The following ETV6 variants were observed in gnomAD, a reference collection of about 807,000 sequenced individuals.
The protein encoded by ETV6 is transcription factor ETV6.
A neutral mutation model predicts 51.1 loss-of-function variants in ETV6; 16 were observed. That is an observed-to-expected ratio of 0.31 (90% CI 0.21 to 0.48). The LOEUF is 0.48. ETV6 is among the 20% of genes least tolerant of loss of function. The pLI is 0.99. For synonymous variants in ETV6, 240 were observed against 224.1 expected (o/e 1.07, Z -0.64); for missense variants, 458 against 594.8 (o/e 0.77, Z 2.39).
chr12:11,883,252 G>C (rs575696289), intron 5 of ETV6, among the ~76,000 whole-genome samples: 1 of 141,910 alleles, frequency 7.0e-6, no homozygotes, highest in African/African-American at 2.7e-5. Context: ...TAGAACAAGG[G>C]GAAGGTGTAC....
In ETV6 at chr12:11,680,138, G is replaced by T. The variant is rs1864498854; in HGVS notation, c.33+29978G>T. Among the ~76,000 whole-genome samples the T allele has an allele frequency of 2.0e-5, 3 of 152,180 alleles. No individual in the cohort carries two copies. The South Asian group carries it at 6.2e-4, about 32-fold the overall frequency. ...GCAGGTAGGGGTTGCAATCTTTCAT[G>T]CTCTGTACTTTGCAAGAGTAATTTG... On this transcript the variant is annotated intron_variant, in intron 1 of 7. Transcript: ENST00000396373.
At chr12:11,757,901 C>T (rs1945030438) in intron 2 of ETV6, among the ~76,000 whole-genome samples, 1 of 152,140 alleles carries the variant, frequency 6.6e-6, no homozygotes, top group Non-Finnish European at 1.5e-5. Flanking sequence ...ATGGTTTATT[C>T]TGGTTTTGTT....
chr12:11,739,313 A>G (rs1865765658), intron 1 of ETV6, among the ~76,000 whole-genome samples: 1 of 152,082 alleles, frequency 6.6e-6, no homozygotes, highest in South Asian at 2.1e-4. Flanking sequence ...AGAGTTTATG[A>G]TGTTTCTGAA....
intron 2 of ETV6, among the ~76,000 whole-genome samples, chr12:11,781,583 A>G (rs1048217352): frequency 6.6e-6 from 1 of 152,230 alleles, no homozygotes; most frequent in African/African-American, 2.4e-5. Flanking sequence ...TGCTGAATGG[A>G]TAGGCAGTTA....
intron 2 of ETV6, among the ~76,000 whole-genome samples, chr12:11,809,087 G>A (rs1040204074): frequency 2.0e-5 from 3 of 151,692 alleles, no homozygotes; most frequent in African/African-American, 4.8e-5. Context: ...AATGACCTGC[G>A]CTCAGGAGGT....
At chr12:11,836,974 C>T (rs971193901) in intron 2 of ETV6, among the ~76,000 whole-genome samples, 2 of 152,198 alleles carry the variant, frequency 1.3e-5, no homozygotes, top group East Asian at 1.9e-4. Flanking sequence ...AATAACAAAT[C>T]GCAGCGCCAT....
intron 2 of ETV6, among the ~76,000 whole-genome samples, chr12:11,793,605 C>T (rs577974010): frequency 6.6e-6 from 1 of 152,332 alleles, no homozygotes; most frequent in African/African-American, 2.4e-5. Context: ...CTACCACTAT[C>T]AGCTAGGATT....
At chr12:11,699,190 T>C (rs1864931889) in intron 1 of ETV6, among the ~76,000 whole-genome samples, 1 of 152,222 alleles carries the variant, frequency 6.6e-6, no homozygotes, top group African/African-American at 2.4e-5. Flanking sequence ...AGCCAGGCTT[T>C]CTCATTTTTC....
At chr12:11,734,321 T>A (rs12303444) in intron 1 of ETV6, among the ~76,000 whole-genome samples, 2 of 151,964 alleles carry the variant, frequency 1.3e-5, no homozygotes. Context: ...AATGACCACA[T>A]CTGAACTGGG....
chr12:11,890,874 A>G (rs1037399991), intron 7 of ETV6, 67 bp from the exon 8 acceptor site: 14 of 1,170,830 alleles, frequency 1.2e-5, no homozygotes, highest in Non-Finnish European at 1.7e-5. Context: ...TATACAGGCT[A>G]GAGTTCAGAG....
chr12:11,687,178 GC>G (rs1371065961), intron 1 of ETV6, among the ~76,000 whole-genome samples: 1 of 135,516 alleles, frequency 7.4e-6, no homozygotes, highest in Non-Finnish European at 1.6e-5. Context: ...ATGAGCCACT[GC>G]CCCCCACCCC....
chr12:11,839,661 C>T (rs1286818234), intron 3 of ETV6, among the ~76,000 whole-genome samples: 1 of 152,190 alleles, frequency 6.6e-6, no homozygotes, highest in Non-Finnish European at 1.5e-5. Flanking sequence ...GGGTGAATTG[C>T]TTGAGCCCAG....
At chr12:11,657,315 C>CT (rs1864017486) in intron 1 of ETV6, among the ~76,000 whole-genome samples, 1 of 152,156 alleles carries the variant, frequency 6.6e-6, no homozygotes, top group African/African-American at 2.4e-5. Context: ...CCATGTTCCT[C>CT]TAACACCATA....
At chr12:11,812,428 G>A (rs1945926868) in intron 2 of ETV6, among the ~76,000 whole-genome samples, 1 of 152,162 alleles carries the variant, frequency 6.6e-6, no homozygotes, top group South Asian at 2.1e-4. Context: ...AGCAACCAAT[G>A]CAGTAAAACC....
chr12:11,805,309 G>T (rs1459509724), intron 2 of ETV6, among the ~76,000 whole-genome samples: 1 of 152,170 alleles, frequency 6.6e-6, no homozygotes, highest in East Asian at 1.9e-4. Flanking sequence ...GTCTGTTCCA[G>T]CTTCCAAAAT....
At chr12:11,886,097 GGAGACTGT>G in intron 7 of ETV6, 71 bp downstream of exon 7, 1 of 1,126,564 alleles carries the variant, frequency 8.9e-7, no homozygotes, top group East Asian at 2.4e-5. Context: ...GGGAGTGGGG[GGAGACTGT>G]TAAGATCTCT....
chr12:11,719,669 T>C (rs761404439), intron 1 of ETV6, among the ~76,000 whole-genome samples: 1 of 152,136 alleles, frequency 6.6e-6, no homozygotes, highest in East Asian at 1.9e-4. Context: ...TGGCGTCTTT[T>C]GGGGGTGCTA....
chr12:11,887,880 C>T (rs537496955), intron 7 of ETV6, among the ~76,000 whole-genome samples: 2 of 152,296 alleles, frequency 1.3e-5, no homozygotes, highest in South Asian at 2.1e-4. Context: ...GTATCCCAGT[C>T]ATTGTGCTAG....
intron 4 of ETV6, among the ~76,000 whole-genome samples, chr12:11,859,286 C>T (rs141523141): frequency 1.5e-3 from 224 of 151,720 alleles, no homozygotes; most frequent in African/African-American, 5.2e-3. Context: ...GGACTACAGG[C>T]ATCCGCCACC....
Sources: allele counts gnomAD v4.1 joint callset (sites outside exome capture counted in the v4.1 genomes callset), GRCh38; gene constraint gnomAD v4.1.1; transcripts MANE v1.5; gene names NCBI Gene and HGNC (gene_info 2026-07-23, HGNC 2026-07-21).